HTT: variants seen among roughly 807,000 people sequenced by gnomAD.
The protein encoded by HTT is huntington disease protein.
A neutral mutation model predicts 362.3 loss-of-function variants in HTT; 104 were observed. That is an observed-to-expected ratio of 0.29 (90% confidence interval 0.24 to 0.34). The LOEUF (loss-of-function observed/expected upper bound fraction) is 0.34, where lower values mean the gene tolerates loss of function less well. Ranked by LOEUF, HTT falls within the 10% of genes least tolerant of loss-of-function variation. The pLI, the probability that HTT is intolerant of heterozygous loss-of-function variation, is 1.00. For missense variants in HTT, 3,301 were observed against 3,928.6 expected (o/e 0.84, Z 4.27); for synonymous variants, 1,577 against 1,548.7 (o/e 1.02, Z -0.43).
At chr4:3,140,413 A>T in intron 21 of HTT, 97 bp from the exon 22 acceptor site, 2 of 1,002,252 alleles carry the variant, frequency 2.0e-6, no homozygotes, top group African/African-American at 1.6e-5. Flanking sequence ...GCTGGTAACC[A>T]GAGGTGTTGG....
chr4:3,230,967 G>A (rs1721219708), intron 60 of HTT, among the ~76,000 whole-genome samples: 1 of 152,208 alleles, frequency 6.6e-6, no homozygotes, highest in Non-Finnish European at 1.5e-5. Flanking sequence ...GGTTTATCAG[G>A]ATTCAGCCAG....
intron 21 of HTT, 62 bp from the exon 22 acceptor site, chr4:3,140,448 T>G: frequency 1.4e-6 from 2 of 1,446,542 alleles, no homozygotes; most frequent in Non-Finnish European, 9.6e-7. Flanking sequence ...GGGAGGAGGG[T>G]GGTCTATCAC....
In HTT at chr4:3,206,549, T is replaced by C; in HGVS notation, c.5772T>C (p.Ile1924=). 5 of 1,614,116 alleles carry C rather than the reference T, an allele frequency of 3.1e-6. No homozygotes were observed. In the South Asian group the frequency reaches 4.4e-5, roughly 14 times the overall value. ...EHLTWLIVNH[I]QDLISLSHEP... ...TAACGTGGCTCATTGTAAATCACAT[T>C]CAAGATCTGATCAGCCTTTCCCACG... Residue 1924 remains isoleucine, a synonymous_variant, in exon 43 of 67, where the codon ATT becomes ATC. Coordinates refer to ENST00000355072, the MANE Select transcript of HTT (RefSeq NM_001388492.1). This position sits in a 1 kb window ranked among gnomAD's most constrained non-coding sequence, Gnocchi z 4.6.
Position 3,207,323 on chromosome 4 carries a change from C to T in HTT, c.6118C>T (p.Gln2040Ter). The change falls in exon 45 of 67, where the codon CAG becomes TAG. Residue 2040 changes from glutamine to a stop codon, truncating the protein, a stop_gained. Transcript: ENST00000355072. LOFTEE classifies it high-confidence loss of function. The stretch of plus-strand genomic sequence containing the variant: ...GCCAATGGAAGAACTCAACAGAATC[C>T]AGGAATACCTTCAGAGCAGCGGGCT... The part of the protein sequence containing the change: ...QLPMEELNRI[Q>*]EYLQSSGLAQ... 6.2e-7 allele frequency: 1 copy of T among 1,613,820 alleles called. No individual in the cohort carries two copies. The highest frequency in any genetic ancestry group is 8.5e-7 in the Non-Finnish European group (1 of 1,179,872).
At chr4:3,236,081 A>G in intron 63 of HTT, 68 bp from the exon 64 acceptor site, 1 of 1,141,244 alleles carries the variant, frequency 8.8e-7, no homozygotes, top group Non-Finnish European at 1.3e-6. Flanking sequence ...CCCTGTGTAC[A>G]AAGCACTGTC....
chr4:3,230,913 C>T (rs1405452999), intron 60 of HTT, among the ~76,000 whole-genome samples: 4 of 152,190 alleles, frequency 2.6e-5, no homozygotes, highest in Non-Finnish European at 2.9e-5. Flanking sequence ...ACCATCCCAG[C>T]GGTCAAGTGT....
intron 46 of HTT, 52 bp from the exon 47 acceptor site, chr4:3,209,775 T>TC (rs1720059059): frequency 1.9e-6 from 3 of 1,603,620 alleles, no homozygotes; most frequent in Non-Finnish European, 1.7e-6. Context: ...GGATGTGAAG[T>TC]CCCCTTGAAC....
intron 40 of HTT, among the ~76,000 whole-genome samples, chr4:3,195,970 C>T (rs1286024820): frequency 6.6e-6 from 1 of 152,280 alleles, no homozygotes; most frequent in Admixed American, 6.5e-5. Flanking sequence ...TGAGAGACGT[C>T]GTCCTGCTGC....
intron 23 of HTT, among the ~76,000 whole-genome samples, chr4:3,143,625 C>A (rs1278143217): frequency 2.7e-5 from 4 of 148,558 alleles, no homozygotes; most frequent in Non-Finnish European, 5.9e-5. Flanking sequence ...TTTTTTGAGA[C>A]AGAGTTTTGC....
intron 50 of HTT, among the ~76,000 whole-genome samples, chr4:3,214,543 C>T (rs362330): frequency 2.0e-5 from 3 of 152,116 alleles, no homozygotes; most frequent in African/African-American, 4.8e-5. Context: ...GTAATATTAA[C>T]GTACTGTAAA....
Position 3,129,904 on chromosome 4 carries a change from G to C in HTT, c.1744-20G>C. Reference sequence around the variant, plus strand: ...GTGATCACACTTCAAAATTCTCACAGCCCCCCTTGAACCGTTTAGGTGTTA... The same window carrying C: ...GTGATCACACTTCAAAATTCTCACACCCCCCCTTGAACCGTTTAGGTGTTA... On this transcript the variant is annotated intron_variant, in intron 12 of 66. Transcript: ENST00000355072. 1 of 1,613,766 alleles carries C rather than the reference G, an allele frequency of 6.2e-7. No homozygotes were observed. The highest frequency in any genetic ancestry group is 1.7e-5 in the Admixed American group (1 of 59,972).
At chr4:3,193,308 T>G (rs1278628040) in intron 40 of HTT, among the ~76,000 whole-genome samples, 2 of 152,282 alleles carry the variant, frequency 1.3e-5, no homozygotes, top group African/African-American at 2.4e-5. Context: ...TTTAAAGATC[T>G]TCGGATTATG....
At chr4:3,080,069 A>G (rs1712806558) in intron 1 of HTT, among the ~76,000 whole-genome samples, 1 of 152,198 alleles carries the variant, frequency 6.6e-6, no homozygotes, top group Non-Finnish European at 1.5e-5. Flanking sequence ...GGGAAATTCA[A>G]CAATAAGTTA....
chr4:3,166,658 C>T (rs1717723182), intron 29 of HTT, among the ~76,000 whole-genome samples: 1 of 152,248 alleles, frequency 6.6e-6, no homozygotes, highest in South Asian at 2.1e-4. Flanking sequence ...GACACCCCTC[C>T]CCCAGCCAAG....
intron 28 of HTT, 109 bp from the exon 29 acceptor site, chr4:3,160,173 C>T (rs962858860): frequency 1.8e-5 from 13 of 720,900 alleles, no homozygotes; most frequent in African/African-American, 3.5e-5. Flanking sequence ...TGTACGGCGC[C>T]GCACAGTGGA....
intron 2 of HTT, among the ~76,000 whole-genome samples, chr4:3,089,010 GA>G (rs202120558): frequency 1.3e-5 from 2 of 150,750 alleles, no homozygotes; most frequent in Admixed American, 1.3e-4. Context: ...ATAAAAGTAG[GA>G]AAAAAAAAGG....
At chr4:3,089,186 T>C (rs929369242) in intron 2 of HTT, among the ~76,000 whole-genome samples, 2 of 152,160 alleles carry the variant, frequency 1.3e-5, no homozygotes, top group African/African-American at 4.8e-5. Context: ...TGCATAGATA[T>C]GTTCATTAGC....
intron 2 of HTT, among the ~76,000 whole-genome samples, chr4:3,093,095 G>A (rs1011939085): frequency 6.6e-6 from 1 of 152,184 alleles, no homozygotes; most frequent in Non-Finnish European, 1.5e-5. Flanking sequence ...CCGGAGACCT[G>A]CACCCTGCCC....
At chr4:3,111,607 C>T (rs965768129) in intron 6 of HTT, among the ~76,000 whole-genome samples, 4 of 152,156 alleles carry the variant, frequency 2.6e-5, no homozygotes, top group South Asian at 2.1e-4. Flanking sequence ...ATCCTGCAAC[C>T]GGGGACTGGA....
Sources: gnomAD v4.1 joint callset for allele counts (sites outside exome capture counted in the v4.1 genomes callset) on GRCh38, gnomAD v4.1.1 for gene constraint, Gnocchi (gnomAD v3.1) non-coding constraint, MANE v1.5 for transcripts, NCBI Gene and HGNC (gene_info 2026-07-23, HGNC 2026-07-21) for gene names.